The following ZNF396 variants were observed in gnomAD, a reference collection of about 807,000 sequenced individuals.
The protein encoded by ZNF396 is zinc finger protein 396.
ZNF396 carries 14 observed loss-of-function variants against 20.5 expected under a neutral mutation model. The observed-to-expected ratio is 0.68, with a 90% CI of 0.45 to 1.07. The LOEUF is 1.07. Ranked by LOEUF, ZNF396 falls within the 50% of genes least tolerant of loss-of-function variation. The pLI is 0.00. For missense variants in ZNF396, 347 were observed against 390.1 expected (o/e 0.89, Z 0.93); for synonymous variants, 119 against 140.6 (o/e 0.85, Z 1.08).
rs2045132947 is a variant in ZNF396, at chr18:35,368,894, G to T, written c.*321C>A. Reference sequence around the variant, plus strand: ...GGGAAAAAACATACTTGTCTAAAAAGATATATACTAATTCATTATATGTGT... The same window carrying T: ...GGGAAAAAACATACTTGTCTAAAAATATATATACTAATTCATTATATGTGT... On this transcript the variant is annotated 3_prime_UTR_variant, in exon 4 of 4. Coordinates refer to ENST00000589332, the MANE Select transcript of ZNF396 (RefSeq NM_001322286.2). 9.3e-7 allele frequency: 1 copy of T among 1,072,196 alleles called. No individual in the cohort carries two copies. Among genetic ancestry groups the T allele is most frequent in the Non-Finnish European group, 1.1e-6 (1 of 887,078 alleles). The allele number at this position is 1,072,196 out of a possible 1,614,324, so 66.4% of individuals were successfully genotyped here. A position where few individuals can be genotyped will look rare whatever the true frequency, so the allele number is the denominator to read the frequency against.
In ZNF396 at chr18:35,373,964, G is replaced by A. The variant is rs1264491001; in HGVS notation, c.329C>T (p.Ala110Val). Residue 110 changes from alanine to valine, a missense_variant, in exon 2 of 4, where the codon GCC becomes GTC. Coordinates refer to ENST00000589332, the MANE Select transcript of ZNF396 (RefSeq NM_001322286.2). ...CTCTGGATGATGCTTCTGCACCCAG[G>A]CCTGAAGCTCTTTTGGGAGGATGGC... Reference protein sequence around the residue: ...FLAILPKELQAWVQKHHPENG... With the variant: ...FLAILPKELQVWVQKHHPENG... 1.9e-6 allele frequency: 3 copies of A among 1,614,194 alleles called. No homozygotes were observed. The highest frequency in any genetic ancestry group is 2.2e-5 in the East Asian group (1 of 44,888).
intron 3 of ZNF396, among the ~76,000 whole-genome samples, chr18:35,371,183 C>T (rs2045174148): frequency 6.6e-6 from 1 of 152,104 alleles, no homozygotes; most frequent in Admixed American, 6.5e-5. Flanking sequence ...TAGAATCACC[C>T]AACATAAGCT....
At position 35,369,335 on chromosome 18, in the gene ZNF396, C is replaced by T. The variant is rs535231827; in HGVS notation, c.888G>A (p.Gln296=). The T allele has an allele frequency of 6.2e-7, 1 of 1,614,222 alleles. No homozygotes were observed. Among genetic ancestry groups the T allele is most frequent in the African/African-American group, 1.3e-5 (1 of 75,050 alleles). ...TCTCACCAGTATGGGTTCGTCGATG[C>T]TGAATCAGAATTGCGCTTCGGCTGA... ...KAFSRSAILI[Q]HRRTHTGEKP... The change falls in exon 4 of 4, where the codon CAG becomes CAA. Residue 296 remains glutamine (Q), a synonymous_variant. Transcript: ENST00000589332.
chr18:35,368,406 T>G lies in ZNF396; in HGVS notation c.*809A>C. Reference sequence around the variant, plus strand: ...CTTCAGCCTAGTCTTGAAGTACATATTCTTTTGGGCCTCTGCAATCGCATG... The same window carrying G: ...CTTCAGCCTAGTCTTGAAGTACATAGTCTTTTGGGCCTCTGCAATCGCATG... On this transcript the variant is annotated 3_prime_UTR_variant, in exon 4 of 4. Transcript: ENST00000589332. 1 of 1,457,036 alleles carries G rather than the reference T, an allele frequency of 6.9e-7. No individual in the cohort carries two copies. The highest frequency in any genetic ancestry group is 9.1e-7 in the Non-Finnish European group (1 of 1,097,338). 90.3% of individuals were successfully genotyped at this position (1,457,036 alleles called of 1,614,324 possible). A position where few individuals can be genotyped will look rare whatever the true frequency, so the allele number is the denominator to read the frequency against.
rs2045128979 is a variant in ZNF396 at position 35,368,633 on chromosome 18, G to A, written c.*582C>T. On this transcript the variant is annotated 3_prime_UTR_variant, in exon 4 of 4. Coordinates refer to ENST00000589332, the MANE Select transcript of ZNF396 (RefSeq NM_001322286.2). ...TGCCTGGCTAATTTTTTGAATTTTA[G>A]TAGAGACGGGGTTTCGCCGTGTTGT... 1 of 607,966 alleles carries A rather than the reference G, an allele frequency of 1.6e-6. No homozygotes were observed. Among genetic ancestry groups the A allele is most frequent in the South Asian group, 7.4e-5 (1 of 13,560 alleles). 37.7% of individuals were successfully genotyped at this position (607,966 alleles called of 1,614,324 possible).
chr18:35,368,320 CTT>C lies in ZNF396; in HGVS notation c.*893_*894del, dbSNP rs1321085073. On this transcript the variant is annotated 3_prime_UTR_variant, in exon 4 of 4. Transcript: ENST00000589332. ...ACTTGATATTAATAGTATGGAGGCT[CTT>C]GTGTGCTTTCATAAGATAAGGCCTT... The C allele has an allele frequency of 8.0e-7, 1 of 1,256,232 alleles. No individual in the cohort carries two copies. Among genetic ancestry groups the C allele is most frequent in the South Asian group, 2.0e-5 (1 of 50,100 alleles). 77.8% of individuals were successfully genotyped at this position (1,256,232 alleles called of 1,614,324 possible). A position where few individuals can be genotyped will look rare whatever the true frequency, so the allele number is the denominator to read the frequency against.
At chr18:35,372,936 G>A (rs1454969509) in intron 3 of ZNF396, 2 of 153,590 alleles carry the variant, frequency 1.3e-5, no homozygotes, top group African/African-American at 4.8e-5. Context: ...AGAATAGATT[G>A]CTACACAGCT....
chr18:35,370,571 G>A (rs1037339622), intron 3 of ZNF396, among the ~76,000 whole-genome samples: 1 of 132,898 alleles, frequency 7.5e-6, no homozygotes, highest in Non-Finnish European at 1.5e-5. Context: ...GGAGTGCAGT[G>A]GCGGGATCTC....
At chr18:35,375,299 A>G (rs1172302630) in intron 1 of ZNF396, among the ~76,000 whole-genome samples, 5 of 24,570 alleles carry the variant, frequency 2.0e-4, no homozygotes, top group East Asian at 1.1e-3. Flanking sequence ...AAAAAAAAAA[A>G]AAAAGAAAAA....
In ZNF396 at chr18:35,374,471, T is replaced by C; in HGVS notation, c.-72-107A>G. The C allele has an allele frequency of 3.5e-6, 2 of 565,016 alleles. No homozygotes were observed. Among genetic ancestry groups the C allele is most frequent in the East Asian group, 3.0e-5 (1 of 33,098 alleles). 35.0% of individuals were successfully genotyped at this position (565,016 alleles called of 1,614,324 possible). On this transcript the variant is annotated intron_variant, in intron 1 of 3. Transcript: ENST00000589332. The surrounding 1 kb of genome is among the most constrained non-coding windows in gnomAD (Gnocchi z 4.3). ...TAAGACTGTATAGGAACTACTGACC[T>C]TAGTCTTAACAGAAACCATGCTTTT...
At chr18:35,375,354 AT>A (rs1232063574) in intron 1 of ZNF396, among the ~76,000 whole-genome samples, 2 of 151,694 alleles carry the variant, frequency 1.3e-5, no homozygotes, top group African/African-American at 4.8e-5. Flanking sequence ...ATGTATTTCT[AT>A]TTTTTTCCAT....
Position 35,375,888 on chromosome 18 carries a change from G to A in ZNF396, c.-73+1390C>T, listed in dbSNP as rs570185111. ...CTCCCAAGTAGCTGGGATTGCAGAC[G>A]TGTACCACCACGCCCGGCTAATTTT... On this transcript the variant is annotated intron_variant, in intron 1 of 3. Coordinates refer to ENST00000589332, the MANE Select transcript of ZNF396 (RefSeq NM_001322286.2). Among the ~76,000 whole-genome samples the A allele has an allele frequency of 3.2e-4, 48 of 152,148 alleles. 1 individual carries two copies. The highest frequency in any genetic ancestry group is 2.9e-3 in the Admixed American group (45 of 15,272).
At chr18:35,373,674 C>G in intron 2 of ZNF396, 74 bp from the exon 3 acceptor site, 3 of 1,560,150 alleles carry the variant, frequency 1.9e-6, no homozygotes, top group Non-Finnish European at 2.6e-6. Flanking sequence ...AGAGAAGAAA[C>G]TATGCAAAAA....
Position 35,373,577 on chromosome 18 carries a change from G to T in ZNF396, c.441C>A (p.Asp147Glu), listed in dbSNP as rs775409603. 1.2e-6 allele frequency: 2 copies of T among 1,614,114 alleles called. No individual in the cohort carries two copies. The highest frequency in any genetic ancestry group is 1.7e-6 in the Non-Finnish European group (2 of 1,180,008). Reference protein sequence around the residue: ...PKQIFFGRRKDMIAEKLAPSE... With the variant: ...PKQIFFGRRKEMIAEKLAPSE... ...AAGGTGCTAGCTTCTCTGCAATCAT[G>T]TCCTTCCTTCGTCCAAAAAAGATCT... The change falls in exon 3 of 4, where the codon GAC becomes GAA. Residue 147 changes from aspartate to glutamate, a missense_variant. Asp to Glu is a conservative substitution (Grantham distance 45). Coordinates refer to ENST00000589332, the MANE Select transcript of ZNF396 (RefSeq NM_001322286.2).
At chr18:35,370,999 T>C (rs1202128896) in intron 3 of ZNF396, among the ~76,000 whole-genome samples, 6 of 152,176 alleles carry the variant, frequency 3.9e-5, no homozygotes, top group Admixed American at 3.9e-4. Context: ...GAGGTACTGA[T>C]GATAAGTGAT....
In ZNF396 at chr18:35,368,348, T is replaced by C. The variant is rs774103422; in HGVS notation, c.*867A>G. 5 of 1,433,048 alleles carry C rather than the reference T, an allele frequency of 3.5e-6. No homozygotes were observed. The highest frequency in any genetic ancestry group is 4.6e-6 in the Non-Finnish European group (5 of 1,087,396). The allele number at this position is 1,433,048 out of a possible 1,614,324, so 88.8% of individuals were successfully genotyped here. A position where few individuals can be genotyped will look rare whatever the true frequency, so the allele number is the denominator to read the frequency against. On this transcript the variant is annotated 3_prime_UTR_variant, in exon 4 of 4. Transcript: ENST00000589332. The stretch of plus-strand genomic sequence containing the variant: ...GTGTGCTTTCATAAGATAAGGCCTT[T>C]ATTTATCTGCCTCCTGAAAGTGACC...
chr18:35,373,891 A>G lies in ZNF396; in HGVS notation c.402T>C (p.Leu134=), dbSNP rs1173181954. The G allele has an allele frequency of 6.2e-7, 1 of 1,612,812 alleles. No homozygotes were observed. Among genetic ancestry groups the G allele is most frequent in the Non-Finnish European group, 8.5e-7 (1 of 1,179,238 alleles). Residue 134 remains leucine (L), a synonymous_variant, in exon 2 of 4, where the codon CTT becomes CTC. Transcript: ENST00000589332. The part of the protein sequence containing the change: ...VTMLEDVERE[L]DGPKQIFFGR... ...TCCTTCTTACCTGCTTTGGTCCATC[A>G]AGCTCTCTCTCCACATCCTCCAGCA...
rs771546056 is a variant in ZNF396 at position 35,373,438 on chromosome 18, T to C, written c.562+18A>G. 4.3e-6 allele frequency: 7 copies of C among 1,611,048 alleles called. No individual in the cohort carries two copies. The South Asian group carries it at 7.7e-5, about 18-fold the overall frequency. Reference sequence around the variant, plus strand: ...GGCCCCCACACCTTCCAACATGAACTGAATCCTGCCCCCTCACCATGTGGT... The same window carrying C: ...GGCCCCCACACCTTCCAACATGAACCGAATCCTGCCCCCTCACCATGTGGT... On this transcript the variant is annotated intron_variant, in intron 3 of 3. Transcript: ENST00000589332.
intron 3 of ZNF396, chr18:35,372,302 T>G (rs1420714742): frequency 2.0e-5 from 3 of 152,240 alleles, no homozygotes; most frequent in African/African-American, 4.8e-5. Flanking sequence ...AAAATACTTT[T>G]TCGTGAAAAG....
Sources: allele counts gnomAD v4.1 joint callset (sites outside exome capture counted in the v4.1 genomes callset), GRCh38; gene constraint gnomAD v4.1.1; non-coding constraint Gnocchi (gnomAD v3.1); transcripts MANE v1.5; gene names NCBI Gene and HGNC (gene_info 2026-07-23, HGNC 2026-07-21).